QPCT: variants seen among roughly 807,000 people sequenced by gnomAD.
QPCT encodes EC.
In QPCT, 44 loss-of-function variants were observed where a neutral mutation model predicts 43.4. That is an observed-to-expected ratio of 1.01 (90% CI 0.80 to 1.30). The LOEUF (loss-of-function observed/expected upper bound fraction) is 1.30. QPCT is among the 50% of genes most tolerant of loss of function. The pLI is 0.00. For missense variants in QPCT, 526 were observed against 436.5 expected, an observed-to-expected ratio of 1.21 and a Z score of -1.83; for synonymous variants, 168 against 168.4, an observed-to-expected ratio of 1.00 and a Z score of 0.02.
At chr2:37,364,944 T>C (rs925259626) in intron 3 of QPCT, among the ~76,000 whole-genome samples, 2 of 149,022 alleles carry the variant, frequency 1.3e-5, no homozygotes, top group African/African-American at 2.4e-5. Flanking sequence ...ATATAACATA[T>C]AATATGTATA....
rs1673119833 is a variant in QPCT at position 37,373,263 on chromosome 2, T to G, written c.*436T>G. The G allele has an allele frequency of 6.6e-6, 1 of 152,376 alleles. No homozygotes were observed. The highest frequency in any genetic ancestry group is 2.4e-5 in the African/African-American group (1 of 41,464). The allele number at this position is 152,376 out of a possible 1,614,324, so 9.4% of individuals were successfully genotyped here. A position where few individuals can be genotyped will look rare whatever the true frequency, so the allele number is the denominator to read the frequency against. On this transcript the variant is annotated 3_prime_UTR_variant, in exon 7 of 7. Transcript: ENST00000338415. ...ACATGTAGTTTGAAGGCGGTCAGAT[T>G]TCTTTGAGAAATCTTTGTAGAGTTA...
intron 1 of QPCT, among the ~76,000 whole-genome samples, chr2:37,346,046 C>T (rs1672482878): frequency 6.6e-6 from 1 of 152,136 alleles, no homozygotes; most frequent in South Asian, 2.1e-4. Context: ...ATTGAGCAGA[C>T]CTTTTACACA....
At chr2:37,346,152 G>A (rs1299553853) in intron 1 of QPCT, among the ~76,000 whole-genome samples, 1 of 152,176 alleles carries the variant, frequency 6.6e-6, no homozygotes, top group Non-Finnish European at 1.5e-5. Flanking sequence ...TATATGAATA[G>A]CCCATTTCAA....
intron 3 of QPCT, 29 bp from the exon 4 acceptor site, chr2:37,367,203 T>G: frequency 1.3e-6 from 2 of 1,576,056 alleles, no homozygotes; most frequent in Non-Finnish European, 1.7e-6. Flanking sequence ...AGTATTTTTT[T>G]GCTATGTTTT....
intron 2 of QPCT, among the ~76,000 whole-genome samples, chr2:37,354,861 A>G (rs1222699140): frequency 6.6e-6 from 1 of 152,214 alleles, no homozygotes; most frequent in Admixed American, 6.5e-5. Flanking sequence ...AGAGCGCTGT[A>G]TATAACCAGA....
intron 3 of QPCT, among the ~76,000 whole-genome samples, chr2:37,364,505 G>A (rs1013401188): frequency 3.3e-5 from 5 of 152,220 alleles, no homozygotes; most frequent in African/African-American, 1.2e-4. Context: ...CCACATAATG[G>A]TGAAGACATA....
intron 4 of QPCT, among the ~76,000 whole-genome samples, chr2:37,368,943 AT>A (rs766876388): frequency 2.4e-4 from 37 of 152,206 alleles, no homozygotes; most frequent in Non-Finnish European, 5.1e-4. Context: ...TTGAATTTTC[AT>A]TCATGAATTT....
intron 2 of QPCT, among the ~76,000 whole-genome samples, chr2:37,357,403 C>T (rs1370531665): frequency 1.7e-4 from 25 of 150,378 alleles, no homozygotes; most frequent in Admixed American, 1.7e-3. Flanking sequence ...TCTCTCTATT[C>T]AAACTATTAA....
In QPCT at chr2:37,344,829, C is replaced by T; in HGVS notation, c.98C>T (p.Ala33Val). 1.2e-6 allele frequency: 2 copies of T among 1,603,532 alleles called. No homozygotes were observed. Among genetic ancestry groups the T allele is most frequent in the Non-Finnish European group, 1.7e-6 (2 of 1,175,670 alleles). The change falls in exon 1 of 7, where the codon GCC becomes GTC. Residue 33 changes from alanine to valine, a missense_variant. Ala to Val is a moderately conservative substitution (Grantham distance 64). Coordinates refer to ENST00000338415, the MANE Select transcript of QPCT (RefSeq NM_012413.4). The stretch of plus-strand genomic sequence containing the variant: ...GCATCCAGGGGGGTCAGTCCGAGTG[C>T]CTCAGCCTGGCCAGAGGAGAAGGTG... ...PWASRGVSPS[A>V]SAWPEEKNYH...
chr2:37,357,723 C>T (rs999920210), intron 2 of QPCT, among the ~76,000 whole-genome samples: 2 of 152,084 alleles, frequency 1.3e-5, no homozygotes, highest in East Asian at 3.9e-4. Context: ...TTTGCAGGAC[C>T]GACTGTAGGA....
At chr2:37,364,647 C>G (rs1041630083) in intron 3 of QPCT, among the ~76,000 whole-genome samples, 5 of 152,098 alleles carry the variant, frequency 3.3e-5, no homozygotes, top group African/African-American at 1.2e-4. Context: ...AGAGACAGAT[C>G]CCCACTGGTT....
At chr2:37,353,036 C>T in intron 2 of QPCT, 101 bp downstream of exon 2, 1 of 1,321,896 alleles carries the variant, frequency 7.6e-7, no homozygotes, top group Non-Finnish European at 1.0e-6. Context: ...ATATTCAGAT[C>T]TGTCATCTCC....
At chr2:37,362,515 T>C (rs960961682) in intron 3 of QPCT, among the ~76,000 whole-genome samples, 3 of 152,206 alleles carry the variant, frequency 2.0e-5, no homozygotes, top group African/African-American at 7.2e-5. Flanking sequence ...CAATATGAAA[T>C]GATTAGCGTA....
intron 3 of QPCT, among the ~76,000 whole-genome samples, chr2:37,360,762 T>A (rs557731872): frequency 2.8e-4 from 43 of 152,164 alleles, no homozygotes; most frequent in African/African-American, 1.0e-3. Context: ...TTTTCACTTC[T>A]TTTTTTTGGT....
chr2:37,355,299 C>T (rs1173539269), intron 2 of QPCT, among the ~76,000 whole-genome samples: 1 of 152,084 alleles, frequency 6.6e-6, no homozygotes, highest in African/African-American at 2.4e-5. Context: ...AGGTACATGA[C>T]AGAGTAATTA....
At chr2:37,367,141 C>A in intron 3 of QPCT, 91 bp from the exon 4 acceptor site, 1 of 1,360,684 alleles carries the variant, frequency 7.3e-7, no homozygotes, top group Non-Finnish European at 1.0e-6. Flanking sequence ...CTTTATGGCA[C>A]ATCTATCTTT....
chr2:37,348,444 AAGG>A (rs1164733068), intron 1 of QPCT, among the ~76,000 whole-genome samples: 1 of 152,194 alleles, frequency 6.6e-6, no homozygotes, highest in African/African-American at 2.4e-5. Context: ...CGACACACAG[AAGG>A]AGTTCAGTAA....
chr2:37,361,957 G>A (rs1256718502), intron 3 of QPCT, among the ~76,000 whole-genome samples: 1 of 152,178 alleles, frequency 6.6e-6, no homozygotes, highest in Non-Finnish European at 1.5e-5. Flanking sequence ...TACTAGTAAC[G>A]AAGGCCATGG....
At chr2:37,369,109 T>A (rs568841138) in intron 4 of QPCT, among the ~76,000 whole-genome samples, 23 of 152,186 alleles carry the variant, frequency 1.5e-4, no homozygotes, top group Non-Finnish European at 2.8e-4. Flanking sequence ...CGTGATGAGA[T>A]GAAAGAGAGC....
Sources: gnomAD v4.1 joint callset for allele counts (sites outside exome capture counted in the v4.1 genomes callset) on GRCh38, gnomAD v4.1.1 for gene constraint, MANE v1.5 for transcripts, NCBI Gene and HGNC (gene_info 2026-07-23, HGNC 2026-07-21) for gene names.